Variants in LMO1 observed in about 807,000 individuals in gnomAD.
LMO1 encodes rhombotin-1.
In LMO1, 10 loss-of-function variants were observed where a neutral mutation model predicts 18.0. The ratio of observed to expected loss-of-function variants is 0.55; its 90% CI spans 0.34 to 0.94. The LOEUF (loss-of-function observed/expected upper bound fraction) is 0.94. Ranked by LOEUF, LMO1 falls within the 40% of genes least tolerant of loss-of-function variation. LMO1 has a pLI of 0.02. For synonymous variants in LMO1, 77 were observed against 77.9 expected (o/e 0.99, Z 0.06); for missense variants, 183 against 205.7 (o/e 0.89, Z 0.68).
At chr11:8,251,590 G>T (rs7945325) in intron 1 of LMO1, among the ~76,000 whole-genome samples, 19,993 of 152,058 alleles carry the variant, frequency 0.13, 1,576 homozygotes, top group South Asian at 0.24. Context: ...GGCTTTGTAG[G>T]GCCCTCCCAG....
intron 1 of LMO1, among the ~76,000 whole-genome samples, chr11:8,257,966 T>C (rs1286323114): frequency 6.6e-6 from 1 of 152,232 alleles, no homozygotes; most frequent in Non-Finnish European, 1.5e-5. Context: ...ACATGGACAG[T>C]ACCTCACTTA....
At chr11:8,237,453 G>A (rs922883859) in intron 1 of LMO1, among the ~76,000 whole-genome samples, 8 of 152,194 alleles carry the variant, frequency 5.3e-5, no homozygotes, top group African/African-American at 1.7e-4. Flanking sequence ...ACAATTTCTC[G>A]TCTCACTGCA....
At chr11:8,248,500 G>A (rs892492077) in intron 1 of LMO1, among the ~76,000 whole-genome samples, 2 of 152,256 alleles carry the variant, frequency 1.3e-5, no homozygotes, top group African/African-American at 4.8e-5. Flanking sequence ...CTGAGGGACA[G>A]CTCATTGCAG....
intron 2 of LMO1, among the ~76,000 whole-genome samples, chr11:8,229,670 T>A (rs914403275): frequency 1.3e-5 from 2 of 152,296 alleles, no homozygotes; most frequent in African/African-American, 4.8e-5. Context: ...GAAGCATCAT[T>A]CTTTCACCCT....
intron 1 of LMO1, among the ~76,000 whole-genome samples, chr11:8,230,831 G>T (rs921426361): frequency 6.6e-6 from 1 of 152,208 alleles, no homozygotes; most frequent in Non-Finnish European, 1.5e-5. Flanking sequence ...GGTCTCATCC[G>T]GAGTAAGCCT....
chr11:8,234,659 T>C (rs1391313489), intron 1 of LMO1, among the ~76,000 whole-genome samples: 2 of 152,106 alleles, frequency 1.3e-5, no homozygotes, highest in Non-Finnish European at 2.9e-5. Context: ...TGGAAGCCAC[T>C]GTGGCCACCT....
intron 1 of LMO1, among the ~76,000 whole-genome samples, chr11:8,247,160 G>A (rs1331612181): frequency 6.6e-6 from 1 of 151,948 alleles, no homozygotes; most frequent in African/African-American, 2.4e-5. Context: ...GCCCATGGCA[G>A]GGGGGTCCCT....
rs746836013 is a variant in LMO1, at chr11:8,256,080, C to T, written c.25+7258G>A. Among the ~76,000 whole-genome samples, 128 of 152,314 alleles carry T rather than the reference C, an allele frequency of 8.4e-4. 1 individual carries two copies. The highest frequency in any genetic ancestry group is 6.2e-4 in the Non-Finnish European group (42 of 68,030). On this transcript the variant is annotated intron_variant, in intron 1 of 3. Coordinates refer to ENST00000335790, the MANE Select transcript of LMO1 (RefSeq NM_002315.3). The stretch of plus-strand genomic sequence containing the variant: ...GACCTCGTGATCCTCCCGCCTCGGC[C>T]TCCCAAAGTGCTGGGATTATAGGCG...
At chr11:8,268,384 C>T (rs952211763), upstream of LMO1, 7 of 1,460,356 alleles carry the variant, frequency 4.8e-6, no homozygotes, top group African/African-American at 1.0e-4. Context: ...CGCCCCACGT[C>T]CCGCGTGCCC....
At chr11:8,268,201 C>A (rs924560201), upstream of LMO1, among the ~76,000 whole-genome samples, 5 of 152,194 alleles carry the variant, frequency 3.3e-5, no homozygotes, top group African/African-American at 7.2e-5. Context: ...CTTCCTAATC[C>A]CGCCGCCGCC....
At chr11:8,266,413 C>G, upstream of LMO1, among the ~76,000 whole-genome samples, 1 of 151,954 alleles carries the variant, frequency 6.6e-6, no homozygotes, top group East Asian at 1.9e-4. Context: ...TCCAGGGACA[C>G]GCCCACAGCA....
At chr11:8,247,708 C>A (rs1465272964) in intron 1 of LMO1, among the ~76,000 whole-genome samples, 2 of 152,200 alleles carry the variant, frequency 1.3e-5, no homozygotes, top group East Asian at 3.9e-4. Flanking sequence ...GACACATGCT[C>A]GTTTTCTAGT....
Position 8,230,479 on chromosome 11 carries a change from G to A in LMO1, c.51C>T (p.Pro17=). ...CCGCACAGCCCTTCTGCTTCCCTTTGGGCTGGACGGAGAGCATCGGCACGC... is the reference window on the plus strand; with the variant it reads ...CCGCACAGCCCTTCTGCTTCCCTTTAGGCTGGACGGAGAGCATCGGCACGC... ...EDGVPMLSVQ[P]KGKQKGCAGC... is the part of the protein sequence containing the mutation. The change falls in exon 2 of 4, where the codon CCC becomes CCT. Residue 17 remains proline (P), a synonymous_variant. Coordinates refer to ENST00000335790, the MANE Select transcript of LMO1 (RefSeq NM_002315.3). 1 of 1,613,258 alleles carries A rather than the reference G, an allele frequency of 6.2e-7. No individual in the cohort carries two copies. Among genetic ancestry groups the A allele is most frequent in the African/African-American group, 1.3e-5 (1 of 75,054 alleles).
intron 1 of LMO1, among the ~76,000 whole-genome samples, chr11:8,254,108 G>GA (rs1016105736): frequency 6.6e-6 from 1 of 151,424 alleles, no homozygotes; most frequent in Non-Finnish European, 1.5e-5. Context: ...ACTGTGAGAG[G>GA]AAAAAAAAGT....
upstream of LMO1, chr11:8,268,521 C>T (rs1261625094): frequency 1.6e-6 from 2 of 1,256,358 alleles, no homozygotes; most frequent in South Asian, 2.5e-5. Context: ...CGCCGCCGGC[C>T]GCCTGCGCTG....
intron 1 of LMO1, among the ~76,000 whole-genome samples, chr11:8,242,746 G>A (rs1478411060): frequency 6.6e-6 from 1 of 152,192 alleles, no homozygotes; most frequent in Admixed American, 6.5e-5. Flanking sequence ...CAAGAGGCCT[G>A]CAGTCTCCAC....
At chr11:8,250,512 A>G (rs1427551455) in intron 1 of LMO1, among the ~76,000 whole-genome samples, 1 of 152,268 alleles carries the variant, frequency 6.6e-6, no homozygotes, top group Non-Finnish European at 1.5e-5. Context: ...GGCAGGTCAA[A>G]GCATTGAACT....
chr11:8,247,489 G>T (rs1002491084), intron 1 of LMO1, among the ~76,000 whole-genome samples: 2 of 152,244 alleles, frequency 1.3e-5, no homozygotes, highest in Admixed American at 1.3e-4. Context: ...CTGGCCAGCA[G>T]GGGGAGCTGG....
chr11:8,227,029 G>A lies in LMO1; in HGVS notation c.311C>T (p.Ala104Val). The A allele has an allele frequency of 6.2e-7, 1 of 1,613,892 alleles. No individual in the cohort carries two copies. The highest frequency in any genetic ancestry group is 8.5e-7 in the Non-Finnish European group (1 of 1,179,864). The change falls in exon 3 of 4, where the codon GCC becomes GTC. Residue 104 changes from alanine to valine, a missense_variant. By Grantham distance (64) the Ala-to-Val change is moderately conservative (BLOSUM62 0). Transcript: ENST00000335790. ...GTCGAGGTGATACACGTTGTCCCGG[G>A]CCCGCATCACCATCTCGAAGGCTGG... The part of the protein sequence containing the change: ...LIPAFEMVMR[A>V]RDNVYHLDCF...
Sources: gnomAD v4.1 joint callset for allele counts (sites outside exome capture counted in the v4.1 genomes callset) on GRCh38, gnomAD v4.1.1 for gene constraint, MANE v1.5 for transcripts, NCBI Gene and HGNC (gene_info 2026-07-23, HGNC 2026-07-21) for gene names.